The following GRIA4 variants were observed in gnomAD, a reference collection of about 807,000 sequenced individuals.
The protein encoded by GRIA4 is glutamate receptor 4.
Under a neutral mutation model 104.0 loss-of-function variants are expected in GRIA4, and 34 were observed. The observed-to-expected ratio is 0.33, with a 90% CI of 0.25 to 0.44. The LOEUF (loss-of-function observed/expected upper bound fraction) is 0.44. Among genes scored for constraint, GRIA4 ranks in the 20% least tolerant of loss-of-function variants. GRIA4 has a pLI of 1.00. For missense variants in GRIA4, 750 were observed against 1,096.5 expected (o/e 0.68, Z 4.46); for synonymous variants, 386 against 381.9 (o/e 1.01, Z -0.13).
chr11:105,669,244 G>T (rs1952281951), intron 3 of GRIA4, among the ~76,000 whole-genome samples: 1 of 151,732 alleles, frequency 6.6e-6, no homozygotes, highest in Admixed American at 6.6e-5. Context: ...AACCTTCTGT[G>T]TACCAGCTTT....
chr11:105,754,204 G>C (rs1940171997), intron 4 of GRIA4, among the ~76,000 whole-genome samples: 3 of 152,098 alleles, frequency 2.0e-5, no homozygotes, highest in Admixed American at 2.0e-4. Flanking sequence ...ACAATCTTCT[G>C]TCCCTAGAAA....
chr11:105,737,691 C>G (rs1172623832), intron 3 of GRIA4, among the ~76,000 whole-genome samples: 1 of 151,996 alleles, frequency 6.6e-6, no homozygotes, highest in African/African-American at 2.4e-5. Context: ...CTTCCAGTAG[C>G]AATAAAGGTA....
At chr11:105,710,881 G>A (rs1226174583) in intron 3 of GRIA4, among the ~76,000 whole-genome samples, 1 of 151,528 alleles carries the variant, frequency 6.6e-6, no homozygotes, top group Non-Finnish European at 1.5e-5. Context: ...ATACACAAAT[G>A]GGTTATATTT....
intron 3 of GRIA4, among the ~76,000 whole-genome samples, chr11:105,697,990 G>T (rs1413380899): frequency 1.3e-5 from 2 of 152,032 alleles, no homozygotes; most frequent in Non-Finnish European, 2.9e-5. Context: ...CAAAGTTAAA[G>T]CCCAGCAGTG....
At chr11:105,695,764 A>T (rs1208212830) in intron 3 of GRIA4, among the ~76,000 whole-genome samples, 1 of 152,114 alleles carries the variant, frequency 6.6e-6, no homozygotes, top group Non-Finnish European at 1.5e-5. Context: ...TATTTTTTTA[A>T]GGTTACTTCT....
At chr11:105,762,547 T>A (rs1354470894) in intron 4 of GRIA4, among the ~76,000 whole-genome samples, 1 of 152,184 alleles carries the variant, frequency 6.6e-6, no homozygotes, top group Admixed American at 6.5e-5. Context: ...TTTGAGGATT[T>A]TTTTGTGTCA....
chr11:105,875,309 G>A (rs138490732), intron 5 of GRIA4, among the ~76,000 whole-genome samples: 3 of 152,208 alleles, frequency 2.0e-5, no homozygotes, highest in East Asian at 1.9e-4. Flanking sequence ...TGCTGGATTC[G>A]GATTGCCAGT....
intron 4 of GRIA4, among the ~76,000 whole-genome samples, chr11:105,832,536 G>C (rs1039922295): frequency 6.6e-6 from 1 of 151,840 alleles, no homozygotes; most frequent in African/African-American, 2.4e-5. Context: ...GCTGGTATTA[G>C]TATCTTCATT....
At chr11:105,888,099 C>A (rs574775772) in intron 6 of GRIA4, among the ~76,000 whole-genome samples, 1 of 151,806 alleles carries the variant, frequency 6.6e-6, no homozygotes, top group Non-Finnish European at 1.5e-5. Flanking sequence ...GAGAGAAATC[C>A]TTTTAGATAT....
intron 4 of GRIA4, among the ~76,000 whole-genome samples, chr11:105,847,424 A>G (rs903333700): frequency 6.6e-6 from 1 of 152,212 alleles, no homozygotes; most frequent in Non-Finnish European, 1.5e-5. Flanking sequence ...AGCACAAGCT[A>G]TAGTGTAAAA....
chr11:105,615,705 G>A (rs1950582875), intron 3 of GRIA4, among the ~76,000 whole-genome samples: 1 of 151,582 alleles, frequency 6.6e-6, no homozygotes, highest in Non-Finnish European at 1.5e-5. Flanking sequence ...AGTTATCTTT[G>A]CAAACAAAAA....
chr11:105,720,653 G>T (rs549016341), intron 3 of GRIA4, among the ~76,000 whole-genome samples: 1 of 152,110 alleles, frequency 6.6e-6, no homozygotes, highest in Non-Finnish European at 1.5e-5. Context: ...TCCCTTAGAC[G>T]TTTATGTTAT....
chr11:105,612,573 T>G lies in GRIA4; in HGVS notation c.247+139T>G, dbSNP rs914960444. 21 of 614,756 alleles carry G rather than the reference T, an allele frequency of 3.4e-5. 1 individual carries two copies. Among genetic ancestry groups the G allele is most frequent in the Admixed American group, 1.6e-4 (5 of 31,338 alleles). The allele number at this position is 614,756 out of a possible 1,614,324, so 38.1% of individuals were successfully genotyped here. ...GCCTGGTTTCAGGACAAATCAGAGT[T>G]AAAAACAAGACTTCGTTTCAGGGAT... On this transcript the variant is annotated intron_variant, in intron 3 of 16. Transcript: ENST00000282499.
At chr11:105,948,843 G>A (rs1334697352) in intron 14 of GRIA4, among the ~76,000 whole-genome samples, 4 of 151,796 alleles carry the variant, frequency 2.6e-5, no homozygotes, top group East Asian at 1.9e-4. Context: ...CGCCCACCTC[G>A]GCCTCCGTAA....
rs1470512514 is a variant in GRIA4 at position 105,862,018 on chromosome 11, C to T, written c.488-6C>T. 1.3e-6 allele frequency: 2 copies of T among 1,588,336 alleles called. No individual in the cohort carries two copies. Among genetic ancestry groups the T allele is most frequent in the Non-Finnish European group, 8.6e-7 (1 of 1,161,456 alleles). On this transcript the variant is annotated splice_region_variant and splice_polypyrimidine_tract_variant and intron_variant, in intron 4 of 16. Coordinates refer to ENST00000282499, the MANE Select transcript of GRIA4 (RefSeq NM_000829.4). ...TGTTTTTAGTAACTTTTTTTTTCCC[C>T]AATAGGATACTCGATACTCCAAGCT... is the stretch of plus-strand genomic sequence containing the variant.
intron 3 of GRIA4, among the ~76,000 whole-genome samples, chr11:105,704,492 G>A (rs1010048429): frequency 6.6e-5 from 10 of 152,036 alleles, no homozygotes; most frequent in African/African-American, 2.2e-4. Flanking sequence ...TGGACCAGAA[G>A]ACTAAGCTCT....
At chr11:105,977,436 A>T (rs1322965081) in intron 16 of GRIA4, among the ~76,000 whole-genome samples, 1 of 151,932 alleles carries the variant, frequency 6.6e-6, no homozygotes, top group Non-Finnish European at 1.5e-5. Context: ...ACTCGTGGAT[A>T]TTCATTTTTC....
chr11:105,919,132 A>C (rs958634673), intron 11 of GRIA4, among the ~76,000 whole-genome samples: 1 of 152,166 alleles, frequency 6.6e-6, no homozygotes, highest in African/African-American at 2.4e-5. Context: ...AATCAGAAAG[A>C]AGATAAAAAT....
In GRIA4 at chr11:105,924,756, G is replaced by T; in HGVS notation, c.1834G>T (p.Asp612Tyr). The T allele has an allele frequency of 6.2e-7, 1 of 1,604,372 alleles. No homozygotes were observed. The highest frequency in any genetic ancestry group is 1.1e-5 in the South Asian group (1 of 90,288). The change falls in exon 12 of 17, where the codon GAC becomes TAC. Residue 612 changes from aspartate (D) to tyrosine (Y), a missense_variant. Physicochemically the swap from Asp to Tyr is radical, Grantham distance 160 (BLOSUM62 -3). Coordinates refer to ENST00000282499, the MANE Select transcript of GRIA4 (RefSeq NM_000829.4). ...SLGAFMQQGC[D>Y]ISPRSLSGRI... ...GGGTGCTTTTATGCAGCAAGGATGT[G>T]ACATTTCACCCAGGTTAGTTTCAAA...
Sources: allele counts gnomAD v4.1 joint callset (sites outside exome capture counted in the v4.1 genomes callset), GRCh38; gene constraint gnomAD v4.1.1; transcripts MANE v1.5; gene names NCBI Gene and HGNC (gene_info 2026-07-23, HGNC 2026-07-21).